The following NRCAM variants were observed in gnomAD, a reference collection of about 807,000 sequenced individuals.
NRCAM encodes neuronal cell adhesion molecule, also known as NgCAM-related cell adhesion molecule.
NRCAM carries 83 observed loss-of-function variants against 156.5 expected under a neutral mutation model. That is an observed-to-expected ratio of 0.53 (90% CI 0.44 to 0.64). The LOEUF (loss-of-function observed/expected upper bound fraction) is 0.64. Among genes scored for constraint, NRCAM ranks in the 30% least tolerant of loss-of-function variants. The pLI, the probability that NRCAM is intolerant of heterozygous loss-of-function variation, is 0.00. For missense variants in NRCAM, 1,417 were observed against 1,597.3 expected (o/e 0.89, Z 1.92); for synonymous variants, 538 against 563.9 (o/e 0.95, Z 0.65).
chr7:108,270,663 A>G (rs558218953), intron 3 of NRCAM, among the ~76,000 whole-genome samples: 1 of 152,352 alleles, frequency 6.6e-6, no homozygotes, highest in East Asian at 1.9e-4. Flanking sequence ...ATGAATGGAT[A>G]AGCAAACTGT....
At chr7:108,431,682 G>A (rs1343578886) in intron 1 of NRCAM, among the ~76,000 whole-genome samples, 1 of 152,170 alleles carries the variant, frequency 6.6e-6, no homozygotes, top group Non-Finnish European at 1.5e-5. Flanking sequence ...CTACTCAGGT[G>A]GCTGAGGTAG....
At chr7:108,186,794 A>G (rs930388848) in intron 20 of NRCAM, among the ~76,000 whole-genome samples, 3 of 152,236 alleles carry the variant, frequency 2.0e-5, no homozygotes, top group Non-Finnish European at 2.9e-5. Context: ...CTTCTCTTAT[A>G]TAAGTTCTCA....
intron 2 of NRCAM, among the ~76,000 whole-genome samples, chr7:108,382,231 T>TTG (rs1291331680): frequency 1.3e-5 from 2 of 151,738 alleles, no homozygotes; most frequent in Admixed American, 1.3e-4. Context: ...GATTTTTTTT[T>TTG]TTTTTGAATG....
At chr7:108,182,275 AT>A (rs201383416) in intron 23 of NRCAM, among the ~76,000 whole-genome samples, 85 of 150,306 alleles carry the variant, frequency 5.7e-4, no homozygotes, top group South Asian at 2.7e-3. Flanking sequence ...TTACACTTGG[AT>A]TTTTTTTTCC....
chr7:108,391,921 C>T (rs868773200), intron 2 of NRCAM, among the ~76,000 whole-genome samples: 4 of 152,196 alleles, frequency 2.6e-5, no homozygotes, highest in South Asian at 4.1e-4. Context: ...TTCTGGCTTG[C>T]AGAGTTTCTG....
chr7:108,218,012 C>T (rs188135000), intron 11 of NRCAM, among the ~76,000 whole-genome samples: 38 of 152,222 alleles, frequency 2.5e-4, no homozygotes, highest in African/African-American at 9.1e-4. Context: ...CAAATGGTCG[C>T]CCAGTTTTTT....
intron 2 of NRCAM, among the ~76,000 whole-genome samples, chr7:108,356,110 G>A (rs866389923): frequency 6.6e-6 from 1 of 152,050 alleles, no homozygotes; most frequent in African/African-American, 2.4e-5. Context: ...CACCACATCT[G>A]GCTAATTTTT....
At position 108,149,571 on chromosome 7, in the gene NRCAM, G is replaced by T; in HGVS notation, c.*339C>A. On this transcript the variant is annotated 3_prime_UTR_variant, in exon 33 of 33. Coordinates refer to ENST00000379028, the MANE Select transcript of NRCAM (RefSeq NM_001037132.4). ...CAAACCATGTTTTCATAACATACAC[G>T]GGTATGTCCTTTAAATGTGGAGCAT... is the stretch of plus-strand genomic sequence containing the variant. 4.1e-6 allele frequency: 1 copy of T among 243,336 alleles called. No homozygotes were observed. Among genetic ancestry groups the T allele is most frequent in the Admixed American group, 5.0e-5 (1 of 20,040 alleles). 15.1% of individuals were successfully genotyped at this position (243,336 alleles called of 1,614,324 possible).
intron 3 of NRCAM, among the ~76,000 whole-genome samples, chr7:108,307,695 C>CAAATG (rs1563199244): frequency 2.8e-4 from 43 of 151,042 alleles, no homozygotes; most frequent in African/African-American, 1.0e-3. Flanking sequence ...AAAAAAAAAC[C>CAAATG]CAAGCATCTA....
rs6978315 is a variant in NRCAM at position 108,194,180 on chromosome 7, T to A, written c.1631-9A>T. ...AACGATCCATGTAGGATCTGAAATG[T>A]AGAGTCATCGTTATCCATTTGGCAA... On this transcript the variant is annotated splice_polypyrimidine_tract_variant and intron_variant, in intron 16 of 32. Transcript: ENST00000379028. 6.2e-7 allele frequency: 1 copy of A among 1,613,516 alleles called. No individual in the cohort carries two copies. The highest frequency in any genetic ancestry group is 1.1e-5 in the South Asian group (1 of 91,028).
chr7:108,240,029 T>C lies in NRCAM; in HGVS notation c.36A>G (p.Leu12=). Reference sequence around the variant, plus strand: ...GAATCAGGGGCACTCTGCCCGCAGATAAGCGCTTCTTTTTCGGCATTATTT... The same window carrying C: ...GAATCAGGGGCACTCTGCCCGCAGACAAGCGCTTCTTTTTCGGCATTATTT... The part of the protein sequence containing the change: ...QLKIMPKKKR[L]SAGRVPLILF... The change falls in exon 4 of 33, where the codon TTA becomes TTG. Residue 12 remains leucine (L), a synonymous_variant. Transcript: ENST00000379028. 1 of 1,613,350 alleles carries C rather than the reference T, an allele frequency of 6.2e-7. No individual in the cohort carries two copies. Among genetic ancestry groups the C allele is most frequent in the Non-Finnish European group, 8.5e-7 (1 of 1,179,432 alleles).
At chr7:108,243,131 T>C (rs1589712312) in intron 3 of NRCAM, 2 of 152,076 alleles carry the variant, frequency 1.3e-5, no homozygotes, top group South Asian at 4.2e-4. Flanking sequence ...TCCTCAGAAG[T>C]TTTAAGTTAA....
chr7:108,264,883 T>A (rs922782434), intron 3 of NRCAM, among the ~76,000 whole-genome samples: 1 of 151,984 alleles, frequency 6.6e-6, no homozygotes, highest in African/African-American at 2.4e-5. Flanking sequence ...GAAAACACAA[T>A]AATCTCAACA....
At position 108,180,306 on chromosome 7, in the gene NRCAM, T is replaced by C; in HGVS notation, c.2768A>G (p.His923Arg). The C allele has an allele frequency of 1.9e-6, 3 of 1,614,238 alleles. No homozygotes were observed. The highest frequency in any genetic ancestry group is 2.5e-6 in the Non-Finnish European group (3 of 1,180,030). The change falls in exon 25 of 33, where the codon CAC (histidine) becomes CGC (arginine). Residue 923 changes from histidine to arginine, a missense_variant. His to Arg is a conservative substitution (Grantham distance 29). Transcript: ENST00000379028. ...GMLPGLEPFS[H>R]YTLNVRVVNG... ...GACCACTCGGACATTCAGTGTGTAG[T>C]GGCTAAAGGGCTCTAGCCCCGGCAA...
intron 3 of NRCAM, among the ~76,000 whole-genome samples, chr7:108,300,446 G>A (rs945703308): frequency 6.6e-6 from 1 of 152,032 alleles, no homozygotes; most frequent in African/African-American, 2.4e-5. Flanking sequence ...AGGTCATTAT[G>A]TCATGCATAC....
chr7:108,281,882 T>C (rs945229952), intron 3 of NRCAM, among the ~76,000 whole-genome samples: 1 of 152,228 alleles, frequency 6.6e-6, no homozygotes, highest in Non-Finnish European at 1.5e-5. Context: ...TGGAAGATTT[T>C]TGATTAAACA....
chr7:108,225,387 A>G (rs2093272136), intron 10 of NRCAM, among the ~76,000 whole-genome samples: 1 of 152,208 alleles, frequency 6.6e-6, no homozygotes, highest in East Asian at 1.9e-4. Context: ...AGGTTTTTCC[A>G]AATCAGTGAA....
At chr7:108,351,076 A>T (rs2099408851) in intron 2 of NRCAM, among the ~76,000 whole-genome samples, 1 of 152,202 alleles carries the variant, frequency 6.6e-6, no homozygotes, top group Non-Finnish European at 1.5e-5. Context: ...CATGTGTTGG[A>T]ACCTAATCCC....
At chr7:108,151,604 A>G (rs1281334166) in intron 32 of NRCAM, among the ~76,000 whole-genome samples, 1 of 152,124 alleles carries the variant, frequency 6.6e-6, no homozygotes, top group African/African-American at 2.4e-5. Context: ...GTAATACACA[A>G]TTTCTTATTG....
Sources: allele counts gnomAD v4.1 joint callset (sites outside exome capture counted in the v4.1 genomes callset), GRCh38; gene constraint gnomAD v4.1.1; transcripts MANE v1.5; gene names NCBI Gene and HGNC (gene_info 2026-07-23, HGNC 2026-07-21).